Variants in MPPED1 observed in about 807,000 individuals in gnomAD.
MPPED1 encodes the protein metallophosphoesterase domain-containing protein 1.
A neutral mutation model predicts 36.2 loss-of-function variants in MPPED1; 16 were observed. That is an observed-to-expected ratio of 0.44 (90% CI 0.30 to 0.67). The LOEUF (loss-of-function observed/expected upper bound fraction) is 0.67, where lower values mean the gene tolerates loss of function less well. Among genes scored for constraint, MPPED1 ranks in the 30% least tolerant of loss-of-function variants. The pLI is 0.10. For synonymous variants in MPPED1, 199 were observed against 191.3 expected (o/e 1.04, Z -0.33); for missense variants, 307 against 453.4 (o/e 0.68, Z 2.93).
At chr22:43,501,083 C>T (rs529755342) in intron 5 of MPPED1, among the ~76,000 whole-genome samples, 111 of 152,280 alleles carry the variant, frequency 7.3e-4, no homozygotes, top group Non-Finnish European at 1.2e-3. Context: ...CTCACAAAGT[C>T]CAGGAAAGGA....
rs1336133927 is a variant in MPPED1 at position 43,498,491 on chromosome 22, G to GC, written c.748+145dup. The stretch of plus-strand genomic sequence containing the variant: ...CTTGCTGGGGCACTGAGGACACGTC[G>GC]CCCCATGGTCCCTCTTATTTCCTGA... On this transcript the variant is annotated intron_variant, in intron 5 of 6. Coordinates refer to ENST00000443721, the MANE Select transcript of MPPED1 (RefSeq NM_001044370.2). 6.6e-6 allele frequency: 4 copies of GC among 601,958 alleles called. No individual in the cohort carries two copies. The African/African-American group carries it at 8.2e-5, about 12-fold the overall frequency. The allele number at this position is 601,958 out of a possible 1,614,324, so 37.3% of individuals were successfully genotyped here. A position where few individuals can be genotyped will look rare whatever the true frequency, so the allele number is the denominator to read the frequency against.
At chr22:43,435,823 C>T (rs1929939601) in intron 3 of MPPED1, among the ~76,000 whole-genome samples, 1 of 152,186 alleles carries the variant, frequency 6.6e-6, no homozygotes, top group Admixed American at 6.5e-5. Context: ...CTCCACTGCA[C>T]TCCAGCCTGG....
intron 2 of MPPED1, among the ~76,000 whole-genome samples, chr22:43,428,087 G>A (rs987291393): frequency 6.6e-6 from 1 of 152,220 alleles, no homozygotes; most frequent in African/African-American, 2.4e-5. Context: ...AGGCACCCCT[G>A]CCTGTGCTGA....
chr22:43,450,956 C>T (rs1930544122), intron 3 of MPPED1, among the ~76,000 whole-genome samples: 1 of 151,532 alleles, frequency 6.6e-6, no homozygotes, highest in African/African-American at 2.4e-5. Context: ...GAACTCCCAA[C>T]CTCAGGTGAT....
intron 3 of MPPED1, among the ~76,000 whole-genome samples, chr22:43,438,334 C>T (rs1930035457): frequency 6.6e-6 from 1 of 152,122 alleles, no homozygotes; most frequent in Non-Finnish European, 1.5e-5. Context: ...GGGCAGGACC[C>T]GTTCCAGGCA....
intron 4 of MPPED1, among the ~76,000 whole-genome samples, chr22:43,498,010 A>C (rs1243405389): frequency 6.7e-6 from 1 of 150,138 alleles, no homozygotes; most frequent in Non-Finnish European, 1.5e-5. Flanking sequence ...CAGAAACTGC[A>C]GGTAAGCAGA....
intron 2 of MPPED1, among the ~76,000 whole-genome samples, chr22:43,426,317 T>G (rs1929469375): frequency 6.6e-6 from 1 of 152,078 alleles, no homozygotes; most frequent in Non-Finnish European, 1.5e-5. Context: ...ACCCGGCCAC[T>G]CTGGGTGCCC....
chr22:43,479,951 T>A (rs1931697625), intron 4 of MPPED1, among the ~76,000 whole-genome samples: 1 of 152,120 alleles, frequency 6.6e-6, no homozygotes, highest in Admixed American at 6.5e-5. Context: ...CGGCCTCGAC[T>A]GCCTGGGCTC....
chr22:43,471,685 C>G (rs904923009), intron 3 of MPPED1, among the ~76,000 whole-genome samples: 1 of 152,222 alleles, frequency 6.6e-6, no homozygotes, highest in African/African-American at 2.4e-5. Flanking sequence ...CAGCCTGAGC[C>G]TCACTGGAGA....
intron 3 of MPPED1, among the ~76,000 whole-genome samples, chr22:43,439,353 G>A (rs1930071154): frequency 6.6e-6 from 1 of 152,236 alleles, no homozygotes; most frequent in South Asian, 2.1e-4. Flanking sequence ...AGATGGATAA[G>A]GACAAGTTCT....
intron 3 of MPPED1, among the ~76,000 whole-genome samples, chr22:43,461,015 A>G (rs1930939577): frequency 6.6e-6 from 1 of 152,182 alleles, no homozygotes; most frequent in African/African-American, 2.4e-5. Flanking sequence ...GTTTTTAACA[A>G]ATACTTTGGG....
At chr22:43,420,978 C>T (rs117937105) in intron 1 of MPPED1, among the ~76,000 whole-genome samples, 2,271 of 152,262 alleles carry the variant, frequency 0.015, 20 homozygotes, top group East Asian at 0.052. Context: ...CATCCATCCT[C>T]CCCCGTAGTT....
intron 3 of MPPED1, among the ~76,000 whole-genome samples, chr22:43,446,739 G>A (rs998347900): frequency 5.9e-5 from 9 of 152,180 alleles, no homozygotes; most frequent in Non-Finnish European, 1.0e-4. Context: ...CAGCTCAAGG[G>A]TTGAGGCTAA....
chr22:43,454,797 T>C (rs897003050), intron 3 of MPPED1, among the ~76,000 whole-genome samples: 7 of 152,102 alleles, frequency 4.6e-5, no homozygotes, highest in African/African-American at 1.7e-4. Context: ...GTGATATGCT[T>C]GCTTCAGCCT....
chr22:43,477,805 A>G (rs967299889), intron 4 of MPPED1, among the ~76,000 whole-genome samples: 1 of 152,096 alleles, frequency 6.6e-6, no homozygotes, highest in Non-Finnish European at 1.5e-5. Context: ...TTGGGATACC[A>G]CCACTTTTCA....
intron 6 of MPPED1, among the ~76,000 whole-genome samples, chr22:43,503,511 C>T (rs1347540436): frequency 1.3e-5 from 2 of 152,184 alleles, no homozygotes; most frequent in East Asian, 3.9e-4. Context: ...CCAGGGACCC[C>T]AGGCCTCCAC....
chr22:43,425,650 G>C (rs1315746673), intron 2 of MPPED1, among the ~76,000 whole-genome samples: 1 of 152,252 alleles, frequency 6.6e-6, no homozygotes, highest in Non-Finnish European at 1.5e-5. Context: ...TGTACACATG[G>C]GGAGACCGAG....
In MPPED1 at chr22:43,474,464, C is replaced by T. The variant is rs144521562; in HGVS notation, c.407-272C>T. Among the ~76,000 whole-genome samples the T allele has an allele frequency of 1.1e-4, 17 of 152,362 alleles. No homozygotes were observed. Among genetic ancestry groups the T allele is most frequent in the African/African-American group, 2.6e-4 (11 of 41,580 alleles). ...GCCTGGCAGCAGGTACCCCTGTCAG[C>T]GATTCCAGCAGCTTCCTCCTGCCCG... On this transcript the variant is annotated intron_variant, in intron 3 of 6. Transcript: ENST00000443721. This position sits in a 1 kb window ranked among gnomAD's most constrained non-coding sequence, Gnocchi z 5.2.
chr22:43,451,894 ATGCCT>A (rs1313764172), intron 3 of MPPED1, among the ~76,000 whole-genome samples: 2 of 152,152 alleles, frequency 1.3e-5, no homozygotes, highest in African/African-American at 4.8e-5. Context: ...TCCCGCCTCC[ATGCCT>A]TTCTTGTGTG....
Sources: gnomAD v4.1 joint callset for allele counts (sites outside exome capture counted in the v4.1 genomes callset) on GRCh38, gnomAD v4.1.1 for gene constraint, Gnocchi (gnomAD v3.1) non-coding constraint, MANE v1.5 for transcripts, NCBI Gene and HGNC (gene_info 2026-07-23, HGNC 2026-07-21) for gene names.